NR3C2: variants seen among roughly 807,000 people sequenced by gnomAD.
The protein encoded by NR3C2 is nuclear receptor subfamily 3 group C member 2, also known as mineralocorticoid receptor.
A neutral mutation model predicts 86.4 loss-of-function variants in NR3C2; 15 were observed. The ratio of observed to expected loss-of-function variants is 0.17; its 90% CI spans 0.12 to 0.27. NR3C2 has a LOEUF of 0.27. Ranked by LOEUF, NR3C2 falls within the 10% of genes least tolerant of loss-of-function variation. NR3C2 has a pLI of 1.00. For synonymous variants in NR3C2, 458 were observed against 450.5 expected (o/e 1.02, Z -0.21); for missense variants, 960 against 1,195.6 (o/e 0.80, Z 2.91).
intron 2 of NR3C2, among the ~76,000 whole-genome samples, chr4:148,339,955 C>A (rs1744672699): frequency 6.6e-6 from 1 of 151,774 alleles, no homozygotes. Context: ...TTTACAGTGG[C>A]TCAAAAAAAA....
chr4:148,363,372 T>C (rs1281436826), intron 2 of NR3C2, among the ~76,000 whole-genome samples: 1 of 152,164 alleles, frequency 6.6e-6, no homozygotes, highest in Non-Finnish European at 1.5e-5. Flanking sequence ...TCCTTCCATT[T>C]TTCAGTCATT....
At chr4:148,153,900 G>A (rs1734220792) in intron 5 of NR3C2, among the ~76,000 whole-genome samples, 1 of 151,976 alleles carries the variant, frequency 6.6e-6, no homozygotes. Context: ...CTAATAATGT[G>A]CTCAACTTGT....
At chr4:148,370,123 C>A (rs575345610) in intron 2 of NR3C2, among the ~76,000 whole-genome samples, 2 of 152,234 alleles carry the variant, frequency 1.3e-5, no homozygotes, top group African/African-American at 4.8e-5. Context: ...GTGACAGGTG[C>A]AAGACAACTG....
chr4:148,132,552 A>G (rs1733086883), intron 6 of NR3C2, among the ~76,000 whole-genome samples: 1 of 152,256 alleles, frequency 6.6e-6, no homozygotes, highest in Non-Finnish European at 1.5e-5. Context: ...GGCCATTCTG[A>G]TAGTACCAAA....
intron 2 of NR3C2, among the ~76,000 whole-genome samples, chr4:148,327,494 G>T (rs1744029826): frequency 6.6e-6 from 1 of 152,138 alleles, no homozygotes; most frequent in African/African-American, 2.4e-5. Flanking sequence ...TGTGTGTTCT[G>T]GAGCACCTCT....
At chr4:148,439,055 A>G (rs1245705126) in intron 1 of NR3C2, among the ~76,000 whole-genome samples, 5 of 152,228 alleles carry the variant, frequency 3.3e-5, no homozygotes, top group Non-Finnish European at 1.5e-5. Flanking sequence ...ATTAATAGTA[A>G]TTCCAGCCAA....
At chr4:148,287,371 T>C (rs1446914060) in intron 2 of NR3C2, among the ~76,000 whole-genome samples, 1 of 152,204 alleles carries the variant, frequency 6.6e-6, no homozygotes, top group Non-Finnish European at 1.5e-5. Flanking sequence ...GCAAGCTGTC[T>C]TACAATTTCA....
At chr4:148,299,447 T>A (rs1742221841) in intron 2 of NR3C2, among the ~76,000 whole-genome samples, 1 of 152,166 alleles carries the variant, frequency 6.6e-6, no homozygotes, top group African/African-American at 2.4e-5. Flanking sequence ...TTTTCGGGAC[T>A]GTAATGGCAC....
chr4:148,085,418 G>C (rs914940224), intron 8 of NR3C2, among the ~76,000 whole-genome samples: 1 of 152,152 alleles, frequency 6.6e-6, no homozygotes, highest in Non-Finnish European at 1.5e-5. Flanking sequence ...AATTAAGGTA[G>C]AAATAAATAA....
chr4:148,315,237 T>C (rs1011917918), intron 2 of NR3C2, among the ~76,000 whole-genome samples: 1 of 152,148 alleles, frequency 6.6e-6, no homozygotes, highest in African/African-American at 2.4e-5. Context: ...CTCTTAGTTA[T>C]GTAGACATTC....
chr4:148,436,255 A>C lies in NR3C2; in HGVS notation c.606T>G (p.Ser202=). 6.2e-7 allele frequency: 1 copy of C among 1,614,206 alleles called. No homozygotes were observed. Among genetic ancestry groups the C allele is most frequent in the Non-Finnish European group, 8.5e-7 (1 of 1,180,028 alleles). Residue 202 remains serine (S), a synonymous_variant, in exon 2 of 9, where the codon TCT becomes TCG. Coordinates refer to ENST00000358102, the MANE Select transcript of NR3C2 (RefSeq NM_000901.5). ...TGATTCCAGCAGGGCTGCAAACCGA[A>C]GATGTCATGTTCAGAGGGCTGCAAA... ...PSVCSPLNMT[S]SVCSPAGINS...
intron 4 of NR3C2, among the ~76,000 whole-genome samples, chr4:148,159,346 AATT>A (rs1734552246): frequency 6.6e-6 from 1 of 152,162 alleles, no homozygotes; most frequent in South Asian, 2.1e-4. Flanking sequence ...CTGAATTGTT[AATT>A]ATTATTCCTT....
intron 2 of NR3C2, among the ~76,000 whole-genome samples, chr4:148,308,477 G>A (rs1263085247): frequency 6.6e-6 from 1 of 151,878 alleles, no homozygotes; most frequent in East Asian, 1.9e-4. Flanking sequence ...TTATGACAAG[G>A]GAACAGAAAG....
intron 2 of NR3C2, among the ~76,000 whole-genome samples, chr4:148,376,655 T>C (rs1283305872): frequency 6.6e-6 from 1 of 152,230 alleles, no homozygotes; most frequent in African/African-American, 2.4e-5. Flanking sequence ...TTAAGCATGA[T>C]GTTTGGCAGT....
intron 2 of NR3C2, among the ~76,000 whole-genome samples, chr4:148,283,173 T>C (rs1741333817): frequency 6.6e-6 from 1 of 152,190 alleles, no homozygotes; most frequent in Non-Finnish European, 1.5e-5. Context: ...AAGATAGCTT[T>C]CATAAAAGTA....
chr4:148,134,641 C>CT (rs1379133428), intron 6 of NR3C2, among the ~76,000 whole-genome samples: 1,203 of 60,824 alleles, frequency 0.02, 134 homozygotes, highest in African/African-American at 0.042. Flanking sequence ...CTCTCTCTCT[C>CT]TCTTTTTTTT....
rs572880961 is a variant in NR3C2 at position 148,143,879 on chromosome 4, G to A, written c.2510+8590C>T. Among the ~76,000 whole-genome samples the A allele has an allele frequency of 1.9e-4, 29 of 150,544 alleles. No homozygotes were observed. In the East Asian group the frequency reaches 2.2e-3, roughly 11 times the overall value. On this transcript the variant is annotated intron_variant, in intron 6 of 8. Transcript: ENST00000358102. ...GGAGAATCCCTTGAACCCGGGAGGC[G>A]GAGTTTGCGGTGAGCCGAGATCGCA...
At chr4:148,369,307 A>C (rs1055111146) in intron 2 of NR3C2, among the ~76,000 whole-genome samples, 1 of 152,208 alleles carries the variant, frequency 6.6e-6, no homozygotes, top group African/African-American at 2.4e-5. Context: ...TTTGTTTCTT[A>C]AAGTACCCAT....
At chr4:148,103,054 C>A (rs906887662) in intron 8 of NR3C2, among the ~76,000 whole-genome samples, 2 of 152,172 alleles carry the variant, frequency 1.3e-5, no homozygotes, top group African/African-American at 4.8e-5. Flanking sequence ...TTCTCAAAAT[C>A]AGCATGCTTC....
Sources: allele counts gnomAD v4.1 joint callset (sites outside exome capture counted in the v4.1 genomes callset), GRCh38; gene constraint gnomAD v4.1.1; transcripts MANE v1.5; gene names NCBI Gene and HGNC (gene_info 2026-07-23, HGNC 2026-07-21).